Variants in SSBP2 observed in about 807,000 individuals in gnomAD.
The protein encoded by SSBP2 is single-stranded DNA-binding protein 2.
A neutral mutation model predicts 61.8 loss-of-function variants in SSBP2; 17 were observed. The ratio of observed to expected loss-of-function variants is 0.28; its 90% CI spans 0.19 to 0.41. The LOEUF is 0.41. Ranked by LOEUF, SSBP2 falls within the 10% of genes least tolerant of loss-of-function variation. SSBP2 has a pLI of 1.00. For missense variants in SSBP2, 310 were observed against 458.7 expected, an observed-to-expected ratio of 0.68 and a Z score of 2.96; for synonymous variants, 139 against 141.3, an observed-to-expected ratio of 0.98 and a Z score of 0.12.
chr5:81,644,166 A>G (rs1475662016), intron 2 of SSBP2, among the ~76,000 whole-genome samples: 1 of 152,248 alleles, frequency 6.6e-6, no homozygotes, highest in Admixed American at 6.5e-5. Flanking sequence ...CTATAATCAC[A>G]GAAAGTTTTA....
chr5:81,443,881 A>T (rs1763199935), intron 12 of SSBP2, among the ~76,000 whole-genome samples: 1 of 152,150 alleles, frequency 6.6e-6, no homozygotes, highest in African/African-American at 2.4e-5. Flanking sequence ...ATTTTGAGAA[A>T]AAGATGTGTT....
chr5:81,735,548 T>A (rs941241331), intron 1 of SSBP2, among the ~76,000 whole-genome samples: 1 of 152,220 alleles, frequency 6.6e-6, no homozygotes, highest in African/African-American at 2.4e-5. Flanking sequence ...GTTCTTATAC[T>A]GTATTGTTTA....
intron 6 of SSBP2, among the ~76,000 whole-genome samples, chr5:81,483,008 G>C (rs899003832): frequency 1.1e-4 from 17 of 152,262 alleles, no homozygotes; most frequent in African/African-American, 4.1e-4. Flanking sequence ...GTGTCTCAGG[G>C]AATAGGGAAG....
At chr5:81,696,803 C>T (rs376906737) in intron 1 of SSBP2, among the ~76,000 whole-genome samples, 2 of 152,174 alleles carry the variant, frequency 1.3e-5, no homozygotes, top group African/African-American at 2.4e-5. Context: ...CTAAGAAACA[C>T]GAAGTATGAG....
chr5:81,564,109 A>T (rs1286238793), intron 4 of SSBP2, among the ~76,000 whole-genome samples: 3 of 152,240 alleles, frequency 2.0e-5, no homozygotes, highest in Non-Finnish European at 2.9e-5. Context: ...CATTTCTCCA[A>T]AGAAGATATA....
intron 15 of SSBP2, among the ~76,000 whole-genome samples, chr5:81,435,481 C>T (rs903976396): frequency 6.6e-6 from 1 of 152,138 alleles, no homozygotes; most frequent in Admixed American, 6.5e-5. Context: ...GCTTAGAGCA[C>T]AAGCAATGCA....
At chr5:81,595,794 C>A (rs1178383602) in intron 4 of SSBP2, among the ~76,000 whole-genome samples, 3 of 152,186 alleles carry the variant, frequency 2.0e-5, no homozygotes, top group Admixed American at 6.5e-5. Context: ...TTCAACAACA[C>A]TTCATGCTAA....
At chr5:81,445,634 T>C (rs2153969752) in intron 12 of SSBP2, among the ~76,000 whole-genome samples, 1 of 152,242 alleles carries the variant, frequency 6.6e-6, no homozygotes, top group South Asian at 2.1e-4. Context: ...TTTGTATTAA[T>C]TATCAAGTTT....
rs1241351349 is a variant in SSBP2, at chr5:81,712,482, TC to T, written c.62+38498del. ...CGGGCGCGGTGGCGGGCGCCTGTAG[TC>T]CCAGCTACTCGGGAGGCTGAGGCAG... On this transcript the variant is annotated intron_variant, in intron 1 of 16. Coordinates refer to ENST00000320672, the MANE Select transcript of SSBP2 (RefSeq NM_012446.5). Among the ~76,000 whole-genome samples, 24 of 42,852 alleles carry T rather than the reference TC, an allele frequency of 5.6e-4. 11 individuals carry two copies. Among genetic ancestry groups the T allele is most frequent in the Non-Finnish European group, 9.8e-4 (22 of 22,556 alleles). 28.1% of individuals were successfully genotyped at this position (42,852 alleles called of 152,430 possible). A position where few individuals can be genotyped will look rare whatever the true frequency, so the allele number is the denominator to read the frequency against.
At chr5:81,637,569 T>A (rs1345400171) in intron 2 of SSBP2, among the ~76,000 whole-genome samples, 4 of 152,240 alleles carry the variant, frequency 2.6e-5, no homozygotes, top group Non-Finnish European at 5.9e-5. Context: ...AAACTTTAAC[T>A]TTCCTACATA....
intron 1 of SSBP2, among the ~76,000 whole-genome samples, chr5:81,693,847 A>C (rs930382923): frequency 6.6e-6 from 1 of 152,186 alleles, no homozygotes; most frequent in East Asian, 1.9e-4. Flanking sequence ...CAAAAGAAAG[A>C]AAATCAGTAT....
intron 6 of SSBP2, among the ~76,000 whole-genome samples, chr5:81,480,840 C>T (rs756022450): frequency 2.6e-5 from 4 of 152,224 alleles, no homozygotes; most frequent in Admixed American, 6.5e-5. Flanking sequence ...GGAGGCAATG[C>T]TCTCAAACCT....
chr5:81,688,421 G>T (rs1454403969), intron 1 of SSBP2, among the ~76,000 whole-genome samples: 2 of 152,154 alleles, frequency 1.3e-5, no homozygotes, highest in Non-Finnish European at 2.9e-5. Context: ...AGGGCCTTGA[G>T]CAACCATAGG....
At chr5:81,711,643 G>T (rs1331644075) in intron 1 of SSBP2, among the ~76,000 whole-genome samples, 2 of 150,328 alleles carry the variant, frequency 1.3e-5, no homozygotes, top group Non-Finnish European at 3.0e-5. Flanking sequence ...GATAAATAAA[G>T]CCTAAAGAGA....
intron 1 of SSBP2, among the ~76,000 whole-genome samples, chr5:81,696,761 G>A (rs1275659947): frequency 2.5e-4 from 38 of 152,190 alleles, no homozygotes; most frequent in Non-Finnish European, 1.2e-4. Flanking sequence ...GAGGGGGGCA[G>A]CATATAGAGT....
chr5:81,614,006 A>C (rs1344532681), intron 4 of SSBP2, among the ~76,000 whole-genome samples: 3 of 152,190 alleles, frequency 2.0e-5, no homozygotes, highest in Admixed American at 2.0e-4. Context: ...TTATGAGTAC[A>C]ATCAATGTCA....
At chr5:81,714,833 A>G (rs1468324908) in intron 1 of SSBP2, among the ~76,000 whole-genome samples, 1 of 152,130 alleles carries the variant, frequency 6.6e-6, no homozygotes, top group African/African-American at 2.4e-5. Flanking sequence ...ATTTTCTCCC[A>G]TTCTATAGGT....
At chr5:81,630,588 TC>T (rs1298162653) in intron 3 of SSBP2, among the ~76,000 whole-genome samples, 5 of 152,094 alleles carry the variant, frequency 3.3e-5, no homozygotes, top group Non-Finnish European at 5.9e-5. Flanking sequence ...ACAAATATAA[TC>T]TAAAAATATT....
At chr5:81,708,103 G>C (rs188275077) in intron 1 of SSBP2, among the ~76,000 whole-genome samples, 3 of 151,916 alleles carry the variant, frequency 2.0e-5, no homozygotes, top group Admixed American at 1.3e-4. Flanking sequence ...ATAACCCCCC[G>C]CTAAGACACA....
Sources: allele counts gnomAD v4.1 joint callset (sites outside exome capture counted in the v4.1 genomes callset), GRCh38; gene constraint gnomAD v4.1.1; transcripts MANE v1.5; gene names NCBI Gene and HGNC (gene_info 2026-07-23, HGNC 2026-07-21).